CD1B: variants seen among roughly 807,000 people sequenced by gnomAD.
The protein encoded by CD1B is CD1b molecule.
A neutral mutation model predicts 39.8 loss-of-function variants in CD1B; 43 were observed. The observed-to-expected ratio is 1.08, with a 90% CI of 0.85 to 1.39. The LOEUF (loss-of-function observed/expected upper bound fraction) is 1.39, where lower values mean the gene tolerates loss of function less well. Among genes scored for constraint, CD1B ranks in the 40% most tolerant of loss-of-function variants. The pLI is 0.00. For synonymous variants in CD1B, 192 were observed against 152.5 expected (o/e 1.26, Z -1.91); for missense variants, 495 against 403.8 (o/e 1.23, Z -1.94).
the CD1B span, among the ~76,000 whole-genome samples, chr1:158,303,985 C>G: frequency 2.0e-5 from 3 of 152,042 alleles, no homozygotes; most frequent in Non-Finnish European, 4.4e-5. Context: ...CGAATAGGAA[C>G]AGCTCTAGTC....
At chr1:158,308,444 T>C in the CD1B span, among the ~76,000 whole-genome samples, 2 of 152,122 alleles carry the variant, frequency 1.3e-5, no homozygotes, top group Admixed American at 1.3e-4. Context: ...CTCCATCAAG[T>C]TACCAATGAC....
the CD1B span, among the ~76,000 whole-genome samples, chr1:158,301,150 G>A: frequency 1.3e-5 from 2 of 151,784 alleles, no homozygotes; most frequent in Admixed American, 6.6e-5. Context: ...TTGGTAGAGT[G>A]TCCTCCATCC....
the CD1B span, among the ~76,000 whole-genome samples, chr1:158,309,645 G>A: frequency 1.3e-5 from 2 of 152,124 alleles, no homozygotes; most frequent in Admixed American, 6.6e-5. Flanking sequence ...GGAATACTAT[G>A]CAGCCATAAA....
downstream of CD1B, among the ~76,000 whole-genome samples, chr1:158,327,050 G>A (rs1652379966): frequency 6.6e-6 from 1 of 152,140 alleles, no homozygotes; most frequent in South Asian, 2.1e-4. Flanking sequence ...ACCTGCCTCG[G>A]CCTCCCAAAG....
chr1:158,326,822 G>A (rs1466887127), downstream of CD1B, among the ~76,000 whole-genome samples: 2 of 148,632 alleles, frequency 1.3e-5, no homozygotes, highest in African/African-American at 2.6e-5. Context: ...TTGGAGACAG[G>A]GTCTTGCTCT....
the CD1B span, among the ~76,000 whole-genome samples, chr1:158,319,806 G>A: frequency 6.6e-6 from 1 of 152,148 alleles, no homozygotes. Context: ...ATCTATTTTG[G>A]TCTTTGATGA....
At chr1:158,320,332 C>T in the CD1B span, among the ~76,000 whole-genome samples, 14 of 152,184 alleles carry the variant, frequency 9.2e-5, no homozygotes, top group South Asian at 4.1e-4. Context: ...TAGGACCCTC[C>T]GAAGCAGGTG....
the CD1B span, among the ~76,000 whole-genome samples, chr1:158,309,088 A>T: frequency 6.6e-6 from 1 of 152,230 alleles, no homozygotes; most frequent in Non-Finnish European, 1.5e-5. Context: ...CTCATCTGAC[A>T]AAGGGCTAAT....
intron 2 of CD1B, 88 bp from the exon 3 acceptor site, chr1:158,330,218 G>T: frequency 8.2e-7 from 1 of 1,224,224 alleles, no homozygotes; most frequent in Non-Finnish European, 1.1e-6. Flanking sequence ...GATTTTGGTG[G>T]GGATAAAGTT....
the CD1B span, among the ~76,000 whole-genome samples, chr1:158,319,067 C>A: frequency 4.0e-5 from 6 of 151,360 alleles, no homozygotes; most frequent in Non-Finnish European, 5.9e-5. Context: ...TTGAGGGTAA[C>A]CCGACCTTTC....
the CD1B span, chr1:158,290,209 C>A: frequency 2.4e-6 from 3 of 1,236,896 alleles, no homozygotes; most frequent in Non-Finnish European, 3.5e-6. Flanking sequence ...AATAGAGATG[C>A]CAGAATGCTT....
At chr1:158,326,476 C>T (rs956081169), downstream of CD1B, among the ~76,000 whole-genome samples, 3 of 152,148 alleles carry the variant, frequency 2.0e-5, no homozygotes, top group Admixed American at 2.0e-4. Context: ...AATTTTAATG[C>T]ATGAATCTTA....
intron 2 of CD1B, 100 bp downstream of exon 2, chr1:158,330,696 A>G: frequency 8.2e-7 from 1 of 1,215,396 alleles, no homozygotes; most frequent in Non-Finnish European, 1.2e-6. Context: ...TTTGGGTAAA[A>G]TAGAAAGGAA....
chr1:158,325,157 A>G (rs1652308664), downstream of CD1B, among the ~76,000 whole-genome samples: 1 of 152,134 alleles, frequency 6.6e-6, no homozygotes, highest in African/African-American at 2.4e-5. Flanking sequence ...TAATAAGTGA[A>G]GAATGTTTAA....
the CD1B span, chr1:158,291,033 G>A: frequency 4.0e-6 from 5 of 1,239,258 alleles, no homozygotes; most frequent in African/African-American, 6.1e-5. Context: ...AGTCATTAAT[G>A]TTTCTCTGTG....
At chr1:158,304,478 G>GGCCT in the CD1B span, among the ~76,000 whole-genome samples, 1 of 152,156 alleles carries the variant, frequency 6.6e-6, no homozygotes, top group Admixed American at 6.5e-5. Flanking sequence ...AGCTCAAGGA[G>GGCCT]GCCTGCCTGC....
chr1:158,302,475 T>C, the CD1B span, among the ~76,000 whole-genome samples: 2 of 151,674 alleles, frequency 1.3e-5, no homozygotes, highest in East Asian at 1.9e-4. Flanking sequence ...CTGAAAACTA[T>C]ATAGAAGATA....
chr1:158,329,721 A>C, intron 3 of CD1B, 73 bp from the exon 4 acceptor site: 5 of 1,573,578 alleles, frequency 3.2e-6, no homozygotes, highest in Non-Finnish European at 4.3e-6. Context: ...AGAAACCTAC[A>C]AGCTTGGACA....
chr1:158,298,527 A>G, the CD1B span, among the ~76,000 whole-genome samples: 1 of 152,210 alleles, frequency 6.6e-6, no homozygotes, highest in African/African-American at 2.4e-5. Flanking sequence ...ATGAAAGATC[A>G]GGTAGTTTTT....
Sources: gnomAD v4.1 joint callset for allele counts (sites outside exome capture counted in the v4.1 genomes callset) on GRCh38, gnomAD v4.1.1 for gene constraint, MANE v1.5 for transcripts, NCBI Gene and HGNC (gene_info 2026-07-23, HGNC 2026-07-21) for gene names.